Variants in WWOX observed in about 807,000 individuals in gnomAD.
WWOX encodes the protein WW domain-containing oxidoreductase.
WWOX carries 69 observed loss-of-function variants against 46.2 expected under a neutral mutation model. The observed-to-expected ratio is 1.49, with a 90% CI of 1.23 to 1.82. The LOEUF is 1.82. WWOX is among the 40% of genes most tolerant of loss of function. The probability of loss-of-function intolerance (pLI) is 0.00; values close to 1 mark genes in which losing one functional copy is unlikely to be tolerated. For missense variants in WWOX, 919 were observed against 542.6 expected (o/e 1.69, Z -6.89); for synonymous variants, 359 against 202.6 (o/e 1.77, Z -6.56).
intron 8 of WWOX, among the ~76,000 whole-genome samples, chr16:79,063,706 G>C (rs2048393841): frequency 6.6e-6 from 1 of 152,116 alleles, no homozygotes; most frequent in Non-Finnish European, 1.5e-5. Flanking sequence ...AGAAACCTCT[G>C]TGAAAAATCC....
intron 5 of WWOX, among the ~76,000 whole-genome samples, chr16:78,182,369 G>C (rs1490009448): frequency 6.6e-6 from 1 of 152,040 alleles, no homozygotes; most frequent in African/African-American, 2.4e-5. Context: ...TCTCTTTCTT[G>C]TTCCAACCAT....
intron 6 of WWOX, among the ~76,000 whole-genome samples, chr16:78,417,115 C>A (rs796971133): frequency 5.9e-5 from 9 of 151,886 alleles, no homozygotes; most frequent in African/African-American, 1.9e-4. Context: ...CTCAGTTGCC[C>A]AGGCTGGAGA....
intron 8 of WWOX, chr16:79,101,727 C>T (rs1380794744): frequency 6.8e-6 from 1 of 146,390 alleles, no homozygotes; most frequent in Non-Finnish European, 1.5e-5. Flanking sequence ...CTCTCTTTCT[C>T]TGTATTACTT....
chr16:78,757,063 T>A, intron 8 of WWOX: 1 of 702,242 alleles, frequency 1.4e-6, no homozygotes, highest in Non-Finnish European at 2.6e-6. Flanking sequence ...AGTTAAGCCT[T>A]GAGGTGATTG....
chr16:79,087,738 C>G (rs1224871745), intron 8 of WWOX, among the ~76,000 whole-genome samples: 1 of 152,230 alleles, frequency 6.6e-6, no homozygotes, highest in Non-Finnish European at 1.5e-5. Flanking sequence ...GCAACACTTT[C>G]TCTGGAATTT....
chr16:78,369,070 T>C lies in WWOX; in HGVS notation c.517-17790T>C, dbSNP rs188513629. The stretch of plus-strand genomic sequence containing the variant: ...TATCCTTTTTCTTTCCCTTTTTTTT[T>C]TAACTATTCTTCTTTAGAGTTTGTT... On this transcript the variant is annotated intron_variant, in intron 5 of 8. Coordinates refer to ENST00000566780, the MANE Select transcript of WWOX (RefSeq NM_016373.4). Among the ~76,000 whole-genome samples the C allele has an allele frequency of 1.7e-3, 258 of 152,302 alleles. 1 individual carries two copies. Among genetic ancestry groups the C allele is most frequent in the African/African-American group, 5.9e-3 (244 of 41,578 alleles).
intron 8 of WWOX, among the ~76,000 whole-genome samples, chr16:78,719,757 C>G (rs1468809820): frequency 2.0e-5 from 3 of 152,118 alleles, no homozygotes; most frequent in Non-Finnish European, 4.4e-5. Context: ...TAAGCTTCAT[C>G]AAGTTAAGAA....
At chr16:78,486,256 A>T (rs1469775397) in intron 8 of WWOX, among the ~76,000 whole-genome samples, 1 of 152,140 alleles carries the variant, frequency 6.6e-6, no homozygotes, top group African/African-American at 2.4e-5. Context: ...TTAGAAAGAG[A>T]TGTGTAGTCC....
chr16:78,509,301 G>T (rs75436342), intron 8 of WWOX, among the ~76,000 whole-genome samples: 1 of 152,106 alleles, frequency 6.6e-6, no homozygotes, highest in South Asian at 2.1e-4. Context: ...TTAGCCGAGC[G>T]TGATGGCCAG....
At position 78,864,163 on chromosome 16, in the gene WWOX, G is replaced by A. The variant is rs58571068; in HGVS notation, c.1057-347445G>A. Among the ~76,000 whole-genome samples the A allele has an allele frequency of 8.5e-3, 1,286 of 152,188 alleles. 21 individuals are homozygous for A. Among genetic ancestry groups the A allele is most frequent in the African/African-American group, 0.029 (1,221 of 41,494 alleles). On this transcript the variant is annotated intron_variant, in intron 8 of 8. Coordinates refer to ENST00000566780, the MANE Select transcript of WWOX (RefSeq NM_016373.4). ...ACCACCTACCTGGGAGTGGAATTAC[G>A]GGGTCATACAGTAAATCTATGGTTA...
intron 8 of WWOX, among the ~76,000 whole-genome samples, chr16:79,188,384 T>C (rs1363708397): frequency 6.6e-6 from 1 of 152,112 alleles, no homozygotes; most frequent in Non-Finnish European, 1.5e-5. Context: ...CTCTCTCTCT[T>C]TTTTCGGTAA....
chr16:78,849,307 A>G (rs1272142882), intron 8 of WWOX, among the ~76,000 whole-genome samples: 1 of 152,176 alleles, frequency 6.6e-6, no homozygotes, highest in Non-Finnish European at 1.5e-5. Flanking sequence ...GCGGTGGCTC[A>G]TGCCTGTAAT....
At chr16:78,413,523 G>A (rs2082729273) in intron 6 of WWOX, among the ~76,000 whole-genome samples, 1 of 152,148 alleles carries the variant, frequency 6.6e-6, no homozygotes, top group South Asian at 2.1e-4. Context: ...TAAAGGTGGT[G>A]GAGATTACAA....
intron 8 of WWOX, among the ~76,000 whole-genome samples, chr16:79,036,225 C>T (rs1233499565): frequency 1.3e-5 from 2 of 152,240 alleles, no homozygotes; most frequent in African/African-American, 4.8e-5. Flanking sequence ...CTACAGCTTT[C>T]TCCCCACTCT....
At chr16:79,076,554 G>T (rs908366475) in intron 8 of WWOX, among the ~76,000 whole-genome samples, 1 of 152,128 alleles carries the variant, frequency 6.6e-6, no homozygotes, top group Non-Finnish European at 1.5e-5. Context: ...CTAACTCTCC[G>T]ATGAGCTCTG....
At chr16:79,095,518 T>C (rs1472740861) in intron 8 of WWOX, among the ~76,000 whole-genome samples, 1 of 152,154 alleles carries the variant, frequency 6.6e-6, no homozygotes, top group Non-Finnish European at 1.5e-5. Flanking sequence ...GAATGTCCTC[T>C]TCAGATGAGG....
chr16:78,879,477 C>T (rs552762514), intron 8 of WWOX, among the ~76,000 whole-genome samples: 1 of 151,966 alleles, frequency 6.6e-6, no homozygotes, highest in Non-Finnish European at 1.5e-5. Flanking sequence ...ACATGTAATA[C>T]CACCCTGGTC....
chr16:78,615,749 G>T (rs967529360), intron 8 of WWOX, among the ~76,000 whole-genome samples: 1 of 151,632 alleles, frequency 6.6e-6, no homozygotes, highest in African/African-American at 2.4e-5. Flanking sequence ...AAATCAATAG[G>T]ATAATTTTTT....
At chr16:79,036,736 A>G (rs2151403942) in intron 8 of WWOX, among the ~76,000 whole-genome samples, 1 of 152,300 alleles carries the variant, frequency 6.6e-6, no homozygotes, top group Non-Finnish European at 1.5e-5. Context: ...CAGTGAGCGA[A>G]GGATTGGGAA....
Sources: allele counts gnomAD v4.1 joint callset (sites outside exome capture counted in the v4.1 genomes callset), GRCh38; gene constraint gnomAD v4.1.1; transcripts MANE v1.5; gene names NCBI Gene and HGNC (gene_info 2026-07-23, HGNC 2026-07-21).